HSCB: variants seen among roughly 807,000 people sequenced by gnomAD.
The protein encoded by HSCB is iron-sulfur cluster co-chaperone protein HscB.
A neutral mutation model predicts 31.3 loss-of-function variants in HSCB; 23 were observed. The ratio of observed to expected loss-of-function variants is 0.74; its 90% confidence interval spans 0.53 to 1.04. The LOEUF is 1.04. HSCB is among the 50% of genes least tolerant of loss of function. The probability of loss-of-function intolerance (pLI) is 0.00; values close to 1 mark genes in which losing one functional copy is unlikely to be tolerated. For synonymous variants in HSCB, 110 were observed against 104.5 expected, an observed-to-expected ratio of 1.05 and a Z score of -0.32; for missense variants, 297 against 288.1, an observed-to-expected ratio of 1.03 and a Z score of -0.22.
intron 3 of HSCB, 116 bp downstream of exon 3, chr22:28,744,820 C>A: frequency 1.3e-6 from 1 of 798,260 alleles, no homozygotes; most frequent in Non-Finnish European, 2.2e-6. Flanking sequence ...TGGTGGCTCA[C>A]ACCTGTAATC....
intron 4 of HSCB, among the ~76,000 whole-genome samples, chr22:28,747,668 A>G (rs79435485): frequency 0.011 from 1,702 of 152,324 alleles, 29 homozygotes; most frequent in African/African-American, 0.039. Flanking sequence ...AAAATTAACC[A>G]TTCCACATAG....
At chr22:28,742,600 A>T in intron 1 of HSCB, 6 of 376,556 alleles carry the variant, frequency 1.6e-5, no homozygotes, top group African/African-American at 2.3e-5. Flanking sequence ...AGGGGGGCCG[A>T]GGCTAGAGGG....
chr22:28,746,803 G>A (rs2054700086), intron 4 of HSCB, among the ~76,000 whole-genome samples: 1 of 151,842 alleles, frequency 6.6e-6, no homozygotes, highest in Non-Finnish European at 1.5e-5. Flanking sequence ...GGAAGCTGAA[G>A]CAGGAGAATC....
intron 3 of HSCB, 124 bp from the exon 4 acceptor site, chr22:28,745,740 T>G: frequency 1.3e-6 from 1 of 783,844 alleles, no homozygotes. Context: ...CCCCTTAGTC[T>G]TTCATTATCG....
chr22:28,748,569 C>G lies in HSCB; in HGVS notation c.568+2561C>G, dbSNP rs541264915. On this transcript the variant is annotated intron_variant, in intron 4 of 5. Coordinates refer to ENST00000216027, the MANE Select transcript of HSCB (RefSeq NM_172002.5). ...GCTCTGTTGCCCAGGCTGGAGTGCACTGGCATGATCTCGGCTCACTGCAAC... is the reference window on the plus strand; with the variant it reads ...GCTCTGTTGCCCAGGCTGGAGTGCAGTGGCATGATCTCGGCTCACTGCAAC... Among the ~76,000 whole-genome samples, 3 of 151,770 alleles carry G rather than the reference C, an allele frequency of 2.0e-5. No individual in the cohort carries two copies. The South Asian group carries it at 6.3e-4, about 32-fold the overall frequency.
At position 28,744,652 on chromosome 22, in the gene HSCB, T is replaced by G; in HGVS notation, c.371T>G (p.Val124Gly). 6.2e-7 allele frequency: 1 copy of G among 1,614,040 alleles called. No homozygotes were observed. Among genetic ancestry groups the G allele is most frequent in the Non-Finnish European group, 8.5e-7 (1 of 1,179,882 alleles). The stretch of plus-strand genomic sequence containing the variant: ...TTCTCAGAGAAGCATTCGACCCTGG[T>G]GAATGATGCCTATAAGACCCTCCTG... ...KDFSEKHSTL[V>G]NDAYKTLLAP... is the part of the protein sequence containing the mutation. The change falls in exon 3 of 6, where the codon GTG (valine) becomes GGG (glycine). Residue 124 changes from valine to glycine, a missense_variant. Val to Gly is a moderately radical substitution (Grantham distance 109). Coordinates refer to ENST00000216027, the MANE Select transcript of HSCB (RefSeq NM_172002.5).
intron 4 of HSCB, among the ~76,000 whole-genome samples, chr22:28,747,788 C>T (rs989987079): frequency 3.3e-5 from 5 of 152,142 alleles, no homozygotes; most frequent in East Asian, 1.9e-4. Context: ...GGATACAGCA[C>T]GGAACAAGAA....
rs537269114 is a variant in HSCB, at chr22:28,743,101, C to A, written c.236+770C>A. Among the ~76,000 whole-genome samples, 67 of 152,272 alleles carry A rather than the reference C, an allele frequency of 4.4e-4. 2 individuals carry two copies. Among genetic ancestry groups the A allele is most frequent in the Admixed American group, 4.0e-3 (61 of 15,288 alleles). On this transcript the variant is annotated intron_variant, in intron 1 of 5. Transcript: ENST00000216027. ...GTTCAAGCACCAGAAAGACTTTCTT[C>A]AAGACCATCTTGTAGAGGGGCCACT...
chr22:28,751,128 C>T (rs1323875109), intron 4 of HSCB, 113 bp from the exon 5 acceptor site: 22 of 662,474 alleles, frequency 3.3e-5, no homozygotes, highest in Non-Finnish European at 5.3e-5. Context: ...CCCTTGAATA[C>T]AAACTTCCTC....
intron 5 of HSCB, 86 bp downstream of exon 5, chr22:28,751,374 A>G (rs533764593): frequency 4.1e-5 from 30 of 725,572 alleles, no homozygotes; most frequent in Admixed American, 1.0e-4. Context: ...TAGCTATTAT[A>G]TACCTTCCTA....
chr22:28,754,359 T>C (rs1569189537), intron 5 of HSCB, among the ~76,000 whole-genome samples: 1 of 151,910 alleles, frequency 6.6e-6, no homozygotes, highest in African/African-American at 2.4e-5. Flanking sequence ...AGAGCTTCAG[T>C]TTTGCAAGAT....
intron 5 of HSCB, among the ~76,000 whole-genome samples, chr22:28,754,905 C>T (rs1289224183): frequency 2.7e-5 from 4 of 150,412 alleles, no homozygotes; most frequent in African/African-American, 4.9e-5. Flanking sequence ...AAGTGATTCT[C>T]CTGCCTCAGC....
intron 5 of HSCB, among the ~76,000 whole-genome samples, chr22:28,753,226 AT>A (rs1275194330): frequency 6.6e-6 from 1 of 152,158 alleles, no homozygotes; most frequent in Non-Finnish European, 1.5e-5. Flanking sequence ...TGTTTTCAAA[AT>A]AATAAAAGCA....
At chr22:28,745,778 G>A (rs1013931652) in intron 3 of HSCB, 86 bp from the exon 4 acceptor site, 1 of 1,120,802 alleles carries the variant, frequency 8.9e-7, no homozygotes, top group African/African-American at 1.6e-5. Context: ...TCTATTAGTG[G>A]TATTATTTCC....
intron 4 of HSCB, among the ~76,000 whole-genome samples, chr22:28,746,924 C>T (rs1400237754): frequency 2.7e-5 from 4 of 150,232 alleles, no homozygotes; most frequent in South Asian, 2.1e-4. Flanking sequence ...ATCAGCCAAG[C>T]GTGGAGGTGC....
In HSCB at chr22:28,748,294, A is replaced by G. The variant is rs563356042; in HGVS notation, c.568+2286A>G. 5.9e-5 allele frequency among the ~76,000 whole-genome samples: 9 copies of G among 152,342 alleles called. 1 individual carries two copies. The South Asian group carries it at 8.3e-4, about 14-fold the overall frequency. On this transcript the variant is annotated intron_variant, in intron 4 of 5. Coordinates refer to ENST00000216027, the MANE Select transcript of HSCB (RefSeq NM_172002.5). ...AACAACCTTCTTCTTCCTTATGCCC[A>G]TAGTCAATCTATTACATCTGAAAGA...
intron 3 of HSCB, chr22:28,745,642 C>T (rs1290602619): frequency 5.2e-6 from 2 of 384,238 alleles, no homozygotes; most frequent in Non-Finnish European, 9.2e-6. Flanking sequence ...GAATGACTAC[C>T]CCAAGATCAC....
Position 28,746,900 on chromosome 22 carries a change from A to T in HSCB, c.568+892A>T, listed in dbSNP as rs1601392777. Among the ~76,000 whole-genome samples the T allele has an allele frequency of 1.6e-4, 8 of 48,832 alleles. No individual in the cohort carries two copies. The South Asian group carries it at 0.017, about 107-fold the overall frequency. The allele number at this position is 48,832 out of a possible 152,430, so 32.0% of individuals were successfully genotyped here. A position where few individuals can be genotyped will look rare whatever the true frequency, so the allele number is the denominator to read the frequency against. ...GACGACAGAGTGAGACTCCGTCTCA[A>T]AAAAAAAAAAAAAATCAGCCAAGCG... is the stretch of plus-strand genomic sequence containing the variant. On this transcript the variant is annotated intron_variant, in intron 4 of 5. Coordinates refer to ENST00000216027, the MANE Select transcript of HSCB (RefSeq NM_172002.5).
rs547406241 is a variant in HSCB at position 28,753,871 on chromosome 22, G to T, written c.616+2583G>T. On this transcript the variant is annotated intron_variant, in intron 5 of 5. Transcript: ENST00000216027. ...AAGAAATTCTGACACAGGACCGGGC[G>T]CGGTGGCTCACGCCTGTAATCCTAG... Among the ~76,000 whole-genome samples the T allele has an allele frequency of 4.9e-4, 73 of 148,346 alleles. No individual in the cohort carries two copies. The South Asian group carries it at 0.016, about 32-fold the overall frequency.
Sources: allele counts gnomAD v4.1 joint callset (sites outside exome capture counted in the v4.1 genomes callset), GRCh38; gene constraint gnomAD v4.1.1; transcripts MANE v1.5; gene names NCBI Gene and HGNC (gene_info 2026-07-23, HGNC 2026-07-21).